The following HS6ST3 variants were observed in gnomAD, a reference collection of about 807,000 sequenced individuals.
HS6ST3 encodes heparan sulfate 6-O-sulfotransferase 3, also known as heparan-sulfate 6-O-sulfotransferase 3.
HS6ST3 carries 12 observed loss-of-function variants against 36.7 expected under a neutral mutation model. The ratio of observed to expected loss-of-function variants is 0.33; its 90% CI spans 0.21 to 0.53. The LOEUF (loss-of-function observed/expected upper bound fraction) is 0.53, where lower values mean the gene tolerates loss of function less well. HS6ST3 is among the 20% of genes least tolerant of loss of function. The pLI is 0.95. For missense variants in HS6ST3, 584 were observed against 640.9 expected, an observed-to-expected ratio of 0.91 and a Z score of 0.96; for synonymous variants, 240 against 257.5, an observed-to-expected ratio of 0.93 and a Z score of 0.65.
rs35266831 is a variant in HS6ST3, at chr13:96,831,954, C to CAAAAAAAAAAAAAAAAAAAAAAA, written c.708-532_708-510dup. The stretch of plus-strand genomic sequence containing the variant: ...TGGGTGACAGAGCAAGACTCCCTCT[C>CAAAAAAAAAAAAAAAAAAAAAAA]AAAAAAAAAAAAAAAAAAAAAAAAA... On this transcript the variant is annotated intron_variant, in intron 1 of 1. Coordinates refer to ENST00000376705, the MANE Select transcript of HS6ST3 (RefSeq NM_153456.4). Among the ~76,000 whole-genome samples the CAAAAAAAAAAAAAAAAAAAAAAA allele has an allele frequency of 4.1e-4, 9 of 21,856 alleles. 3 individuals carry two copies. Among genetic ancestry groups the CAAAAAAAAAAAAAAAAAAAAAAA allele is most frequent in the Non-Finnish European group, 5.5e-4 (7 of 12,644 alleles). 14.3% of individuals were successfully genotyped at this position (21,856 alleles called of 152,430 possible). A position where few individuals can be genotyped will look rare whatever the true frequency, so the allele number is the denominator to read the frequency against.
chr13:96,742,071 G>A (rs780841606), intron 1 of HS6ST3, among the ~76,000 whole-genome samples: 1 of 152,120 alleles, frequency 6.6e-6, no homozygotes, highest in Admixed American at 6.6e-5. Flanking sequence ...GTGTGTGAAA[G>A]CGGTAGCTAT....
At chr13:96,175,288 G>A (rs1344490827) in intron 1 of HS6ST3, among the ~76,000 whole-genome samples, 1 of 152,104 alleles carries the variant, frequency 6.6e-6, no homozygotes, top group South Asian at 2.1e-4. Context: ...TCCCGGGAGC[G>A]TGTGCACTTT....
intron 1 of HS6ST3, among the ~76,000 whole-genome samples, chr13:96,323,436 T>C (rs550564280): frequency 6.6e-6 from 1 of 152,322 alleles, no homozygotes; most frequent in African/African-American, 2.4e-5. Context: ...TTTGCCACCT[T>C]CACCACTACC....
intron 1 of HS6ST3, among the ~76,000 whole-genome samples, chr13:96,460,810 C>T (rs993436228): frequency 5.9e-5 from 9 of 152,144 alleles, no homozygotes; most frequent in Admixed American, 3.9e-4. Flanking sequence ...TCAGCACAGA[C>T]CTATTTGACT....
chr13:96,546,390 C>T (rs1047431881), intron 1 of HS6ST3, among the ~76,000 whole-genome samples: 1 of 152,110 alleles, frequency 6.6e-6, no homozygotes, highest in Non-Finnish European at 1.5e-5. Flanking sequence ...CTTGATAGTA[C>T]TTCTCTCCTT....
intron 1 of HS6ST3, among the ~76,000 whole-genome samples, chr13:96,097,137 G>A (rs1297822712): frequency 6.6e-6 from 1 of 152,106 alleles, no homozygotes; most frequent in Non-Finnish European, 1.5e-5. Flanking sequence ...AGTGGTAAAT[G>A]GTAATAGATG....
chr13:96,737,311 A>C (rs1017959757), intron 1 of HS6ST3, among the ~76,000 whole-genome samples: 4 of 152,228 alleles, frequency 2.6e-5, no homozygotes, highest in Non-Finnish European at 5.9e-5. Flanking sequence ...TAGAAAATCT[A>C]TGCAGACATA....
At chr13:96,512,882 T>G (rs754005161) in intron 1 of HS6ST3, among the ~76,000 whole-genome samples, 12 of 151,994 alleles carry the variant, frequency 7.9e-5, no homozygotes, top group Admixed American at 2.6e-4. Context: ...CTCTCATTTT[T>G]TTGTTGTTGT....
intron 1 of HS6ST3, among the ~76,000 whole-genome samples, chr13:96,693,592 C>T (rs1184190168): frequency 6.6e-6 from 1 of 152,128 alleles, no homozygotes; most frequent in Non-Finnish European, 1.5e-5. Flanking sequence ...CGTGAGCCAC[C>T]ATGACCAGCC....
At chr13:96,369,833 G>A (rs1423008874) in intron 1 of HS6ST3, among the ~76,000 whole-genome samples, 5 of 152,078 alleles carry the variant, frequency 3.3e-5, no homozygotes, top group African/African-American at 1.2e-4. Context: ...GGAATGCCAG[G>A]GCATTGGTGA....
chr13:96,158,739 A>C (rs576629749), intron 1 of HS6ST3, among the ~76,000 whole-genome samples: 18 of 151,416 alleles, frequency 1.2e-4, no homozygotes, highest in African/African-American at 4.4e-4. Context: ...AAAGTTTAGT[A>C]TTAGTGAGCC....
intron 1 of HS6ST3, among the ~76,000 whole-genome samples, chr13:96,279,542 G>C (rs2054764856): frequency 6.6e-6 from 1 of 152,172 alleles, no homozygotes; most frequent in African/African-American, 2.4e-5. Flanking sequence ...CTAGAAAAAG[G>C]TTGATTGCAG....
intron 1 of HS6ST3, among the ~76,000 whole-genome samples, chr13:96,757,934 CTG>C (rs969379824): frequency 5.3e-5 from 8 of 152,034 alleles, no homozygotes; most frequent in East Asian, 3.9e-4. Flanking sequence ...TTTGAAATGT[CTG>C]TAAGATTTTG....
intron 1 of HS6ST3, among the ~76,000 whole-genome samples, chr13:96,709,909 T>G (rs1875519622): frequency 6.6e-6 from 1 of 152,222 alleles, no homozygotes; most frequent in Admixed American, 6.5e-5. Context: ...TCCATCTTTC[T>G]TATGATTACC....
intron 1 of HS6ST3, among the ~76,000 whole-genome samples, chr13:96,250,401 A>G (rs2054602536): frequency 6.6e-6 from 1 of 152,194 alleles, no homozygotes; most frequent in Admixed American, 6.5e-5. Context: ...ATCACCCTGC[A>G]TTACCTGGTG....
intron 1 of HS6ST3, among the ~76,000 whole-genome samples, chr13:96,516,904 T>TCAG: frequency 6.6e-6 from 1 of 152,166 alleles, no homozygotes; most frequent in African/African-American, 2.4e-5. Context: ...TTCAGTTGGT[T>TCAG]TTGGTTCAGA....
At position 96,718,171 on chromosome 13, in the gene HS6ST3, G is replaced by A. The variant is rs114147918; in HGVS notation, c.708-114319G>A. 5.6e-3 allele frequency among the ~76,000 whole-genome samples: 858 copies of A among 152,212 alleles called. 4 individuals carry two copies. The highest frequency in any genetic ancestry group is 0.02 in the African/African-American group (814 of 41,524). On this transcript the variant is annotated intron_variant, in intron 1 of 1. Transcript: ENST00000376705. ...AGCACTCTGTAGTACTTATTGCAGT[G>A]ATTATTAAATAATCATCTGTGAATT...
At chr13:96,113,968 C>T (rs937285028) in intron 1 of HS6ST3, among the ~76,000 whole-genome samples, 3 of 151,832 alleles carry the variant, frequency 2.0e-5, no homozygotes, top group South Asian at 4.2e-4. Flanking sequence ...TTATGAAGAG[C>T]CGCGTATTAG....
intron 1 of HS6ST3, among the ~76,000 whole-genome samples, chr13:96,327,291 T>C (rs184416772): frequency 6.6e-6 from 1 of 151,810 alleles, no homozygotes; most frequent in African/African-American, 2.4e-5. Context: ...TAGGTTTTCT[T>C]GTAGGGTTTT....
Sources: gnomAD v4.1 joint callset for allele counts (sites outside exome capture counted in the v4.1 genomes callset) on GRCh38, gnomAD v4.1.1 for gene constraint, MANE v1.5 for transcripts, NCBI Gene and HGNC (gene_info 2026-07-23, HGNC 2026-07-21) for gene names.